The following GREB1L variants were observed in gnomAD, a reference collection of about 807,000 sequenced individuals.
GREB1L encodes GREB1-like protein.
GREB1L carries 17 observed loss-of-function variants against 200.8 expected under a neutral mutation model. That is an observed-to-expected ratio of 0.08 (90% CI 0.06 to 0.13). GREB1L has a LOEUF of 0.13. GREB1L is among the 10% of genes least tolerant of loss of function. GREB1L has a pLI of 1.00. For missense variants in GREB1L, 1,657 were observed against 2,367.7 expected (o/e 0.70, Z 6.23); for synonymous variants, 789 against 893.0 (o/e 0.88, Z 2.08).
Position 21,440,406 on chromosome 18 carries a change from G to T in GREB1L, c.1069+18G>T, listed in dbSNP as rs1306894041. 6.5e-7 allele frequency: 1 copy of T among 1,548,760 alleles called. No homozygotes were observed. Among genetic ancestry groups the T allele is most frequent in the East Asian group, 2.4e-5 (1 of 40,898 alleles). Reference sequence around the variant, plus strand: ...AAGAACGGGTAAGATTTTAACAGAAGATGGATTGTAAGTGTGTTTTTAATT... The same window carrying T: ...AAGAACGGGTAAGATTTTAACAGAATATGGATTGTAAGTGTGTTTTTAATT... On this transcript the variant is annotated intron_variant, in intron 9 of 32. Coordinates refer to ENST00000424526, the MANE Select transcript of GREB1L (RefSeq NM_001142966.3).
chr18:21,454,462 A>G lies in GREB1L; in HGVS notation c.2081A>G (p.Gln694Arg). ...TGTGCTATAGCGGACAGTGGCAGCC[A>G]GAGCCTGGACCTCGGTCACTTCAGC... ...QVCAIADSGS[Q>R]SLDLGHFSKV... Residue 694 changes from glutamine (Q) to arginine (R), a missense_variant, in exon 15 of 33, where the codon CAG (glutamine) becomes CGG (arginine). Coordinates refer to ENST00000424526, the MANE Select transcript of GREB1L (RefSeq NM_001142966.3). 1.3e-6 allele frequency: 2 copies of G among 1,551,712 alleles called. No homozygotes were observed. Among genetic ancestry groups the G allele is most frequent in the Admixed American group, 2.0e-5 (1 of 51,008 alleles).
At chr18:21,505,250 G>A (rs1406120213) in intron 23 of GREB1L, among the ~76,000 whole-genome samples, 162 bp from the exon 24 acceptor site, 1 of 152,162 alleles carries the variant, frequency 6.6e-6, no homozygotes, top group Non-Finnish European at 1.5e-5. Context: ...CTCAGCATGG[G>A]TGTGAACAAT....
intron 13 of GREB1L, 37 bp from the exon 14 acceptor site, chr18:21,452,046 C>A: frequency 1.3e-6 from 2 of 1,544,628 alleles, no homozygotes; most frequent in Non-Finnish European, 1.7e-6. Flanking sequence ...ACAAACATAT[C>A]CTTCCTTGTA....
At chr18:21,493,822 C>T (rs765059486) in intron 19 of GREB1L, among the ~76,000 whole-genome samples, 6 of 121,678 alleles carry the variant, frequency 4.9e-5, no homozygotes, top group Non-Finnish European at 8.0e-5. Context: ...GCCAAGATTG[C>T]ACCACTGTAC....
Position 21,344,654 on chromosome 18 carries a change from C to A in GREB1L, c.-119-21373C>A, listed in dbSNP as rs577787965. Among the ~76,000 whole-genome samples, 29 of 152,312 alleles carry A rather than the reference C, an allele frequency of 1.9e-4. No homozygotes were observed. In the East Asian group the frequency reaches 4.6e-3, roughly 24 times the overall value. On this transcript the variant is annotated intron_variant, in intron 1 of 32. Transcript: ENST00000424526. ...GGAATAAAAATGAATAAAACACAAACTGTGACTCTAAAGATTTCAAAATCT... is the reference window on the plus strand; with the variant it reads ...GGAATAAAAATGAATAAAACACAAAATGTGACTCTAAAGATTTCAAAATCT...
intron 5 of GREB1L, among the ~76,000 whole-genome samples, chr18:21,399,248 G>A (rs987230113): frequency 6.6e-6 from 1 of 152,154 alleles, no homozygotes; most frequent in Admixed American, 6.5e-5. Flanking sequence ...TTTTTTCTGT[G>A]TTTTGGGTGT....
intron 17 of GREB1L, among the ~76,000 whole-genome samples, chr18:21,481,353 T>C (rs1015140061): frequency 8.5e-5 from 13 of 152,074 alleles, no homozygotes; most frequent in East Asian, 5.8e-4. Flanking sequence ...ACTGGAAATA[T>C]ACACATGGAG....
chr18:21,262,238 C>T (rs2037900741), intron 1 of GREB1L, among the ~76,000 whole-genome samples: 1 of 152,134 alleles, frequency 6.6e-6, no homozygotes, highest in South Asian at 2.1e-4. Flanking sequence ...TTATTGGCAT[C>T]ATTCTTAGGG....
At chr18:21,343,951 T>C (rs1432073338) in intron 1 of GREB1L, among the ~76,000 whole-genome samples, 1 of 151,998 alleles carries the variant, frequency 6.6e-6, no homozygotes, top group Non-Finnish European at 1.5e-5. Context: ...AATTTTTGTA[T>C]TTTTAGTAGA....
intron 11 of GREB1L, among the ~76,000 whole-genome samples, chr18:21,448,335 A>C (rs1442949249): frequency 6.6e-6 from 1 of 152,106 alleles, no homozygotes; most frequent in East Asian, 1.9e-4. Flanking sequence ...TCTCCAATTA[A>C]AATTGTTGTT....
At chr18:21,453,685 G>T (rs2034629443) in intron 14 of GREB1L, among the ~76,000 whole-genome samples, 1 of 152,206 alleles carries the variant, frequency 6.6e-6, no homozygotes, top group Non-Finnish European at 1.5e-5. Context: ...TATGTCATGA[G>T]TCAGGTGTCT....
intron 4 of GREB1L, chr18:21,387,373 CTAT>C (rs2040586234): frequency 6.6e-6 from 1 of 152,170 alleles, no homozygotes; most frequent in Non-Finnish European, 1.5e-5. Context: ...GACCTGTCTA[CTAT>C]TATTCCTTTT....
At chr18:21,289,292 G>A (rs774287799) in intron 1 of GREB1L, among the ~76,000 whole-genome samples, 1 of 152,160 alleles carries the variant, frequency 6.6e-6, no homozygotes, top group Non-Finnish European at 1.5e-5. Context: ...GCTCACGCCT[G>A]TAATCTCAAT....
At chr18:21,304,891 G>A (rs1436188590) in intron 1 of GREB1L, among the ~76,000 whole-genome samples, 2 of 151,936 alleles carry the variant, frequency 1.3e-5, no homozygotes, top group Admixed American at 1.3e-4. Context: ...ACTTCTTCCT[G>A]TTGTTCAAGT....
At chr18:21,297,148 G>T (rs1366013148) in intron 1 of GREB1L, among the ~76,000 whole-genome samples, 1 of 152,150 alleles carries the variant, frequency 6.6e-6, no homozygotes, top group African/African-American at 2.4e-5. Context: ...CAGGGAAACA[G>T]AATTTGCATT....
chr18:21,284,186 A>G (rs1440297011), intron 1 of GREB1L, among the ~76,000 whole-genome samples: 1 of 152,360 alleles, frequency 6.6e-6, no homozygotes. Context: ...CTATTGAGCT[A>G]TAATTCACAT....
chr18:21,483,895 G>C (rs2036017087), intron 17 of GREB1L, among the ~76,000 whole-genome samples: 1 of 149,448 alleles, frequency 6.7e-6, no homozygotes, highest in African/African-American at 2.5e-5. Flanking sequence ...AGAATGGCTT[G>C]AACCCAGGAG....
intron 18 of GREB1L, among the ~76,000 whole-genome samples, chr18:21,486,083 G>A (rs1450320539): frequency 1.3e-5 from 2 of 152,180 alleles, no homozygotes; most frequent in Admixed American, 6.5e-5. Flanking sequence ...GGCTGGGCGC[G>A]GTGGCCCACG....
intron 24 of GREB1L, 64 bp downstream of exon 24, chr18:21,505,631 T>C (rs2036981691): frequency 4.6e-6 from 7 of 1,509,326 alleles, no homozygotes; most frequent in African/African-American, 1.4e-5. Flanking sequence ...CAGGGTGCCT[T>C]ACATCTCACT....
Sources: gnomAD v4.1 joint callset for allele counts (sites outside exome capture counted in the v4.1 genomes callset) on GRCh38, gnomAD v4.1.1 for gene constraint, MANE v1.5 for transcripts, NCBI Gene and HGNC (gene_info 2026-07-23, HGNC 2026-07-21) for gene names.